Variants in TEK observed in about 807,000 individuals in gnomAD.
The protein encoded by TEK is TEK receptor tyrosine kinase, also known as angiopoietin-1 receptor.
A neutral mutation model predicts 131.8 loss-of-function variants in TEK; 43 were observed. The ratio of observed to expected loss-of-function variants is 0.33; its 90% CI spans 0.26 to 0.42. The LOEUF is 0.42. Among genes scored for constraint, TEK ranks in the 10% least tolerant of loss-of-function variants. The pLI, the probability that TEK is intolerant of heterozygous loss-of-function variation, is 1.00. For missense variants in TEK, 1,162 were observed against 1,384.4 expected, an observed-to-expected ratio of 0.84 and a Z score of 2.55; for synonymous variants, 580 against 491.6, an observed-to-expected ratio of 1.18 and a Z score of -2.38.
chr9:27,137,680 A>AGC (rs1822526945), intron 1 of TEK, among the ~76,000 whole-genome samples: 1 of 103,948 alleles, frequency 9.6e-6, no homozygotes, highest in Non-Finnish European at 2.2e-5. Context: ...TCTTCTTAAC[A>AGC]AGATTTACTT....
chr9:27,187,495 A>C (rs1824641842), intron 9 of TEK, among the ~76,000 whole-genome samples: 1 of 152,192 alleles, frequency 6.6e-6, no homozygotes. Context: ...AGACATCTTC[A>C]AGAATGTTCA....
intron 1 of TEK, among the ~76,000 whole-genome samples, chr9:27,120,753 T>C (rs886662070): frequency 6.6e-6 from 1 of 152,210 alleles, no homozygotes; most frequent in African/African-American, 2.4e-5. Flanking sequence ...GGGCTCTAGG[T>C]GAGCTACTTT....
At chr9:27,218,711 T>TG in intron 19 of TEK, 66 bp from the exon 20 acceptor site, 1 of 1,583,568 alleles carries the variant, frequency 6.3e-7, no homozygotes, top group Non-Finnish European at 8.7e-7. Flanking sequence ...CCCTGGCTTT[T>TG]GGGGCCGGAA....
Position 27,158,032 on chromosome 9 carries a change from A to G in TEK, c.254A>G (p.Lys85Arg), listed in dbSNP as rs753623288. ...GATGTGACCAGAGAATGGGCTAAAA[A>G]AGTTGTTTGGAAGAGAGAAAAGGCT... The part of the protein sequence containing the change: ...TQDVTREWAK[K>R]VVWKREKASK... Residue 85 changes from lysine to arginine, a missense_variant, in exon 2 of 23, where the codon AAA becomes AGA. By Grantham distance (26) the Lys-to-Arg change is conservative. Around this residue, in one of 6 missense-constraint regions of TEK, gnomAD observed 436 missense variants for 539.1 expected, o/e 0.81. Transcript: ENST00000380036. 1.2e-6 allele frequency: 2 copies of G among 1,614,046 alleles called. No homozygotes were observed. Among genetic ancestry groups the G allele is most frequent in the Non-Finnish European group, 1.7e-6 (2 of 1,180,026 alleles).
intron 1 of TEK, among the ~76,000 whole-genome samples, chr9:27,157,166 A>G (rs1823363423): frequency 6.6e-6 from 1 of 152,176 alleles, no homozygotes; most frequent in Admixed American, 6.5e-5. Context: ...CTAAGTGTTC[A>G]GGAAACAGAA....
At chr9:27,134,763 T>G (rs1339369896) in intron 1 of TEK, among the ~76,000 whole-genome samples, 1 of 152,154 alleles carries the variant, frequency 6.6e-6, no homozygotes, top group Non-Finnish European at 1.5e-5. Context: ...GATCCCCTAC[T>G]AGAAGTCAAG....
rs1240743213 is a variant in TEK, at chr9:27,197,360, C to A, written c.1670C>A (p.Thr557Asn). The change falls in exon 12 of 23, where the codon ACC becomes AAC. Residue 557 changes from threonine (T) to asparagine (N), a missense_variant. By Grantham distance (65) the Thr-to-Asn change is moderately conservative (BLOSUM62 0). Transcript: ENST00000380036. ...RGLNLLPKSQ[T>N]TLNLTWQPIF... is the part of the protein sequence containing the mutation. ...CTAAATCTCCTGCCTAAAAGTCAGA[C>A]CACTCTAAATTTGACCTGGCAACCA... 1.9e-6 allele frequency: 3 copies of A among 1,614,106 alleles called. No homozygotes were observed. Among genetic ancestry groups the A allele is most frequent in the East Asian group, 2.2e-5 (1 of 44,872 alleles).
rs553572171 is a variant in TEK, at chr9:27,144,308, A to C, written c.53-13523A>C. On this transcript the variant is annotated intron_variant, in intron 1 of 22. Transcript: ENST00000380036. Reference sequence around the variant, plus strand: ...AAAAAAAAGGAAAAGGAGAATATGTAAAGAGCGTAGCTCATGCGAAGATGC... The same window carrying C: ...AAAAAAAAGGAAAAGGAGAATATGTCAAGAGCGTAGCTCATGCGAAGATGC... 4.6e-5 allele frequency among the ~76,000 whole-genome samples: 7 copies of C among 152,292 alleles called. No homozygotes were observed. In the South Asian group the frequency reaches 1.5e-3, roughly 32 times the overall value.
intron 2 of TEK, among the ~76,000 whole-genome samples, chr9:27,163,033 C>A (rs1429072085): frequency 6.6e-6 from 1 of 152,192 alleles, no homozygotes; most frequent in Non-Finnish European, 1.5e-5. Flanking sequence ...ATTCTTGAGC[C>A]TCTATTTTTG....
rs2273721 is a variant in TEK at position 27,209,424 on chromosome 9, G to A, written c.2686+193G>A. On this transcript the variant is annotated intron_variant, in intron 16 of 22. Transcript: ENST00000380036. ...TGCCTTGTTTTTGGAGGGAGGTGCC[G>A]AGGCTGGACTATTTAGCCTCTGATG... is the stretch of plus-strand genomic sequence containing the variant. Among the ~76,000 whole-genome samples the A allele has an allele frequency of 0.1, 15,522 of 152,102 alleles. 1,105 individuals are homozygous for A. The highest frequency in any genetic ancestry group is 0.18 in the African/African-American group (7,438 of 41,472).
chr9:27,197,310 C>T lies in TEK; in HGVS notation c.1625-5C>T. ...AAAAATAATGATTTTTCTGGATTCT[C>T]CTAGGACTCCCTCCTCCAAGAGGTC... is the stretch of plus-strand genomic sequence containing the variant. On this transcript the variant is annotated splice_polypyrimidine_tract_variant and splice_region_variant and intron_variant, in intron 11 of 22. Transcript: ENST00000380036. The T allele has an allele frequency of 1.2e-6, 2 of 1,613,636 alleles. No individual in the cohort carries two copies. Among genetic ancestry groups the T allele is most frequent in the African/African-American group, 1.3e-5 (1 of 74,996 alleles).
intron 13 of TEK, among the ~76,000 whole-genome samples, chr9:27,203,628 G>A (rs922481334): frequency 5.9e-5 from 9 of 152,190 alleles, no homozygotes; most frequent in Non-Finnish European, 1.0e-4. Flanking sequence ...CTCTCTGGAT[G>A]CCATACTGTG....
intron 1 of TEK, among the ~76,000 whole-genome samples, chr9:27,113,307 T>C (rs1053555296): frequency 1.3e-5 from 2 of 152,108 alleles, no homozygotes; most frequent in Non-Finnish European, 2.9e-5. Context: ...AAATGAAGCT[T>C]GGGGCCTGGT....
chr9:27,219,745 A>G (rs1006177196), intron 20 of TEK, among the ~76,000 whole-genome samples: 3 of 138,420 alleles, frequency 2.2e-5, no homozygotes, highest in African/African-American at 5.6e-5. Flanking sequence ...GGTTAATCTT[A>G]TTGGTATAAT....
intron 1 of TEK, among the ~76,000 whole-genome samples, chr9:27,153,275 C>G (rs980173504): frequency 6.6e-6 from 1 of 150,776 alleles, no homozygotes; most frequent in Non-Finnish European, 1.5e-5. Context: ...GGTGAAACCC[C>G]GCCTCTACTA....
chr9:27,225,314 G>A (rs1174932372), intron 21 of TEK, among the ~76,000 whole-genome samples: 1 of 152,088 alleles, frequency 6.6e-6, no homozygotes, highest in African/African-American at 2.4e-5. Flanking sequence ...AAAACTGGAG[G>A]CATCAAGCTA....
At chr9:27,219,677 A>G (rs1181205515) in intron 20 of TEK, among the ~76,000 whole-genome samples, 1 of 46,586 alleles carries the variant, frequency 2.1e-5, no homozygotes, top group African/African-American at 6.1e-5. Flanking sequence ...AAAACTGGCC[A>G]TAACTATCAT....
chr9:27,197,027 G>A (rs1421673934), intron 11 of TEK, among the ~76,000 whole-genome samples: 1 of 110,600 alleles, frequency 9.0e-6, no homozygotes, highest in Non-Finnish European at 1.7e-5. Flanking sequence ...CCCGGCAATT[G>A]AACAATGAGA....
chr9:27,223,460 A>G (rs907138034), intron 21 of TEK, among the ~76,000 whole-genome samples: 3 of 152,060 alleles, frequency 2.0e-5, no homozygotes, highest in Non-Finnish European at 4.4e-5. Context: ...AGGATTAAGA[A>G]ACTCACTGAA....
Sources: allele counts gnomAD v4.1 joint callset (sites outside exome capture counted in the v4.1 genomes callset), GRCh38; gene constraint gnomAD v4.1.1; regional missense constraint gnomAD v4.1.1; transcripts MANE v1.5; gene names NCBI Gene and HGNC (gene_info 2026-07-23, HGNC 2026-07-21).